ABCC9: variants seen among roughly 807,000 people sequenced by gnomAD.
ABCC9 encodes ATP-binding cassette sub-family C member 9.
Under a neutral mutation model 188.3 loss-of-function variants are expected in ABCC9, and 95 were observed. The ratio of observed to expected loss-of-function variants is 0.50; its 90% confidence interval spans 0.43 to 0.60. The LOEUF (loss-of-function observed/expected upper bound fraction) is 0.60. Ranked by LOEUF, ABCC9 falls within the 20% of genes least tolerant of loss-of-function variation. The probability of loss-of-function intolerance (pLI) is 0.00; values close to 1 mark genes in which losing one functional copy is unlikely to be tolerated. For missense variants in ABCC9, 1,102 were observed against 1,876.3 expected (o/e 0.59, Z 7.62); for synonymous variants, 659 against 652.7 (o/e 1.01, Z -0.15).
chr12:21,916,957 T>C lies in ABCC9; in HGVS notation c.553A>G (p.Ile185Val), dbSNP rs1163432426. The C allele has an allele frequency of 6.2e-7, 1 of 1,612,968 alleles. No homozygotes were observed. The highest frequency in any genetic ancestry group is 1.3e-5 in the African/African-American group (1 of 74,962). The part of the protein sequence containing the change: ...ILNGLLMAVE[I>V]NVIRVRRYVF... ...CCTACCCTGACTCGAATGACATTGA[T>C]CTCCACAGCCATCAAGAGCCCATTC... Residue 185 changes from isoleucine to valine, a missense_variant, in exon 6 of 40, where the codon ATC becomes GTC. By Grantham distance (29) the Ile-to-Val change is conservative (BLOSUM62 3). Transcript: ENST00000261200.
In ABCC9 at chr12:21,893,092, C is replaced by G. The variant is rs191963747; in HGVS notation, c.1802+940G>C. 1.6e-4 allele frequency among the ~76,000 whole-genome samples: 24 copies of G among 152,036 alleles called. No homozygotes were observed. In the East Asian group the frequency reaches 4.6e-3, roughly 29 times the overall value. On this transcript the variant is annotated intron_variant, in intron 14 of 39. Coordinates refer to ENST00000261200, the MANE Select transcript of ABCC9 (RefSeq NM_020297.4). ...AAAGAAAAATTCCTTTTTAAGAGTG[C>G]CTTATTTATGGGAGCATAAGACATA... is the stretch of plus-strand genomic sequence containing the variant.
At chr12:21,806,167 T>C in intron 38 of ABCC9, 107 bp from the exon 39 acceptor site, 1 of 985,264 alleles carries the variant, frequency 1.0e-6, no homozygotes, top group South Asian at 1.4e-5. Flanking sequence ...GCATTCTCAA[T>C]CCCTCATTTT....
intron 4 of ABCC9, among the ~76,000 whole-genome samples, chr12:21,927,229 C>CCATG (rs1318794186): frequency 6.6e-6 from 1 of 152,136 alleles, no homozygotes; most frequent in African/African-American, 2.4e-5. Flanking sequence ...GCTTTGTATG[C>CCATG]CATGGTAAGA....
rs1192441511 is a variant in ABCC9 at position 21,876,108 on chromosome 12, G to A, written c.2020-382C>T. On this transcript the variant is annotated intron_variant, in intron 16 of 39. Coordinates refer to ENST00000261200, the MANE Select transcript of ABCC9 (RefSeq NM_020297.4). ...GTAAGTACTAAAAGACTCAACCCAA[G>A]GTAGAACACACAACGGTGAAATTCT... 3.3e-5 allele frequency among the ~76,000 whole-genome samples: 5 copies of A among 151,980 alleles called. No homozygotes were observed. The East Asian group carries it at 7.7e-4, about 23-fold the overall frequency.
At chr12:21,858,237 G>T (rs1335375710) in intron 22 of ABCC9, among the ~76,000 whole-genome samples, 4 of 151,956 alleles carry the variant, frequency 2.6e-5, no homozygotes, top group African/African-American at 9.7e-5. Context: ...TGATCCCAAG[G>T]TTCAAGAAGT....
Position 21,878,071 on chromosome 12 carries a change from G to T in ABCC9, c.2020-2345C>A, listed in dbSNP as rs143729325. Reference sequence around the variant, plus strand: ...GAGAAAACTTGGGTACCAGGATTTTGTTGTCAGTGACTGACTAGTCTAATA... The same window carrying T: ...GAGAAAACTTGGGTACCAGGATTTTTTTGTCAGTGACTGACTAGTCTAATA... On this transcript the variant is annotated intron_variant, in intron 16 of 39. Transcript: ENST00000261200. Among the ~76,000 whole-genome samples the T allele has an allele frequency of 2.9e-3, 437 of 152,280 alleles. 2 individuals are homozygous for T. The highest frequency in any genetic ancestry group is 9.6e-3 in the African/African-American group (399 of 41,570).
intron 12 of ABCC9, among the ~76,000 whole-genome samples, chr12:21,900,998 A>G (rs987091845): frequency 6.6e-6 from 1 of 152,146 alleles, no homozygotes; most frequent in African/African-American, 2.4e-5. Context: ...AAGACACATA[A>G]TTGTCAGATT....
chr12:21,817,510 A>G (rs191958439), intron 32 of ABCC9, among the ~76,000 whole-genome samples: 30 of 152,278 alleles, frequency 2.0e-4, no homozygotes, highest in Admixed American at 1.6e-3. Flanking sequence ...TCAAGGGTCC[A>G]TAACTGTCAC....
At chr12:21,832,711 T>C (rs1326974287) in intron 30 of ABCC9, among the ~76,000 whole-genome samples, 3 of 152,122 alleles carry the variant, frequency 2.0e-5, no homozygotes, top group Non-Finnish European at 4.4e-5. Flanking sequence ...GAAGACAGTA[T>C]GGAGATTCCC....
intron 15 of ABCC9, among the ~76,000 whole-genome samples, chr12:21,885,955 G>A (rs2137677692): frequency 6.6e-6 from 1 of 152,186 alleles, no homozygotes; most frequent in East Asian, 1.9e-4. Flanking sequence ...TCAGGAGACT[G>A]ATTGTGTTGG....
chr12:21,887,751 C>A, intron 15 of ABCC9, 75 bp downstream of exon 15: 1 of 974,116 alleles, frequency 1.0e-6, no homozygotes, highest in South Asian at 1.3e-5. Flanking sequence ...TCTTCTAACT[C>A]AGTTGTATTA....
intron 31 of ABCC9, among the ~76,000 whole-genome samples, chr12:21,818,526 A>ATATGTG (rs1212715273): frequency 4.4e-5 from 6 of 136,442 alleles, no homozygotes; most frequent in African/African-American, 8.3e-5. Flanking sequence ...ATATATATAT[A>ATATGTG]TGTGTGTGTG....
At chr12:21,889,782 T>C (rs1592156805) in intron 14 of ABCC9, among the ~76,000 whole-genome samples, 1 of 152,258 alleles carries the variant, frequency 6.6e-6, no homozygotes, top group Non-Finnish European at 1.5e-5. Flanking sequence ...TGATTGAGAA[T>C]GGGGACGACA....
chr12:21,875,616 A>G (rs1344660649), intron 17 of ABCC9, 38 bp downstream of exon 17: 2 of 1,448,282 alleles, frequency 1.4e-6, no homozygotes, highest in Admixed American at 1.7e-5. Flanking sequence ...GGTTACGGTC[A>G]TGAACAATTA....
chr12:21,823,742 G>A (rs986807393), intron 31 of ABCC9, among the ~76,000 whole-genome samples: 1 of 152,188 alleles, frequency 6.6e-6, no homozygotes, highest in Non-Finnish European at 1.5e-5. Flanking sequence ...GGGATGAAGA[G>A]AAAAGACTGT....
intron 16 of ABCC9, among the ~76,000 whole-genome samples, chr12:21,879,409 G>T (rs141705455): frequency 3.9e-4 from 59 of 152,272 alleles, no homozygotes; most frequent in African/African-American, 1.3e-3. Context: ...GAAATATCCA[G>T]AACAGGCAAA....
intron 11 of ABCC9, 100 bp from the exon 12 acceptor site, chr12:21,906,388 A>C (rs1592202680): frequency 8.0e-7 from 1 of 1,249,554 alleles, no homozygotes; most frequent in Non-Finnish European, 1.1e-6. Context: ...TTGATTTCAG[A>C]CTGGCCCTGC....
intron 3 of ABCC9, among the ~76,000 whole-genome samples, chr12:21,934,380 A>C (rs1391557910): frequency 6.6e-6 from 1 of 152,120 alleles, no homozygotes; most frequent in African/African-American, 2.4e-5. Context: ...ACTCTTAATC[A>C]TATGCACATC....
At chr12:21,870,000 A>T (rs1431565854) in intron 18 of ABCC9, among the ~76,000 whole-genome samples, 3 of 152,178 alleles carry the variant, frequency 2.0e-5, no homozygotes, top group African/African-American at 4.8e-5. Flanking sequence ...ATCAAACTAG[A>T]TGTTGAAGAT....
Sources: gnomAD v4.1 joint callset for allele counts (sites outside exome capture counted in the v4.1 genomes callset) on GRCh38, gnomAD v4.1.1 for gene constraint, MANE v1.5 for transcripts, NCBI Gene and HGNC (gene_info 2026-07-23, HGNC 2026-07-21) for gene names.